Variants in PHACTR1 observed in about 807,000 individuals in gnomAD.
PHACTR1 encodes phosphatase and actin regulator 1.
In PHACTR1, 16 loss-of-function variants were observed where a neutral mutation model predicts 69.2. That is an observed-to-expected ratio of 0.23 (90% CI 0.16 to 0.35). The LOEUF (loss-of-function observed/expected upper bound fraction) is 0.35, where lower values mean the gene tolerates loss of function less well. PHACTR1 is among the 10% of genes least tolerant of loss of function. The pLI, the probability that PHACTR1 is intolerant of heterozygous loss-of-function variation, is 1.00. For missense variants in PHACTR1, 510 were observed against 734.7 expected, an observed-to-expected ratio of 0.69 and a Z score of 3.54; for synonymous variants, 312 against 284.5, an observed-to-expected ratio of 1.10 and a Z score of -0.97.
At chr6:12,767,697 G>T (rs142940930) in intron 4 of PHACTR1, among the ~76,000 whole-genome samples, 1 of 152,106 alleles carries the variant, frequency 6.6e-6, no homozygotes, top group African/African-American at 2.4e-5. Context: ...GAGACTGTTT[G>T]CCCTCTTGGT....
chr6:12,930,545 C>T (rs9296527), intron 4 of PHACTR1, among the ~76,000 whole-genome samples: 22,460 of 152,110 alleles, frequency 0.15, 3,563 homozygotes, highest in African/African-American at 0.4. Context: ...AGAAAGTCAT[C>T]GCATCTTATC....
intron 5 of PHACTR1, among the ~76,000 whole-genome samples, chr6:13,091,782 G>A (rs993135143): frequency 1.3e-5 from 2 of 151,912 alleles, no homozygotes; most frequent in Non-Finnish European, 2.9e-5. Context: ...CCTTGCATGC[G>A]CAGTTCACAA....
At chr6:13,040,821 G>C (rs1804024153) in intron 4 of PHACTR1, among the ~76,000 whole-genome samples, 1 of 152,144 alleles carries the variant, frequency 6.6e-6, no homozygotes, top group Non-Finnish European at 1.5e-5. Context: ...CAATCAGAGA[G>C]CTAGATATTG....
chr6:13,004,678 T>G (rs757525111), intron 4 of PHACTR1, among the ~76,000 whole-genome samples: 13 of 152,176 alleles, frequency 8.5e-5, no homozygotes, highest in Non-Finnish European at 1.6e-4. Context: ...CCCACATGCA[T>G]TAGATATTTG....
chr6:13,188,737 CCTGT>C (rs1763125577), intron 7 of PHACTR1, among the ~76,000 whole-genome samples: 1 of 152,306 alleles, frequency 6.6e-6, no homozygotes, highest in African/African-American at 2.4e-5. Context: ...TCTCATTCTC[CCTGT>C]CTGTCTTGCT....
intron 5 of PHACTR1, among the ~76,000 whole-genome samples, chr6:13,133,854 G>A (rs1484916606): frequency 6.6e-6 from 1 of 151,422 alleles, no homozygotes; most frequent in East Asian, 2.0e-4. Flanking sequence ...AGTGAGGAGC[G>A]CCTCTTCCCG....
At chr6:13,087,162 T>G (rs939412344) in intron 5 of PHACTR1, among the ~76,000 whole-genome samples, 4 of 147,450 alleles carry the variant, frequency 2.7e-5, no homozygotes, top group Non-Finnish European at 6.0e-5. Context: ...TTTTTATATA[T>G]AACATATGTA....
chr6:13,155,555 A>G (rs1352622399), intron 5 of PHACTR1, among the ~76,000 whole-genome samples: 2 of 152,176 alleles, frequency 1.3e-5, no homozygotes, highest in African/African-American at 2.4e-5. Context: ...AAACCAGAAG[A>G]GAGGTGTCAT....
intron 4 of PHACTR1, among the ~76,000 whole-genome samples, chr6:12,818,765 G>A (rs906488442): frequency 2.0e-5 from 3 of 152,112 alleles, no homozygotes; most frequent in Admixed American, 6.5e-5. Context: ...CTGATTCTTG[G>A]CCTCTCACCC....
intron 4 of PHACTR1, among the ~76,000 whole-genome samples, chr6:12,765,538 A>T (rs1320500543): frequency 2.0e-5 from 3 of 152,116 alleles, no homozygotes; most frequent in Non-Finnish European, 4.4e-5. Context: ...TTATCTAGTA[A>T]TATCTACAAA....
At chr6:13,066,230 G>T (rs1374800277) in intron 5 of PHACTR1, among the ~76,000 whole-genome samples, 1 of 152,182 alleles carries the variant, frequency 6.6e-6, no homozygotes, top group East Asian at 1.9e-4. Context: ...TAATAGCATT[G>T]ACTCTGCTGA....
chr6:13,227,400 T>A (rs1329409842), intron 8 of PHACTR1, among the ~76,000 whole-genome samples: 1 of 152,212 alleles, frequency 6.6e-6, no homozygotes, highest in Non-Finnish European at 1.5e-5. Context: ...CCTTTACCCT[T>A]GCTTTTAATT....
rs116165918 is a variant in PHACTR1 at position 12,963,476 on chromosome 6, T to C, written c.251-89889T>C. ...CTTTAAAAAAAAAAAACAAACCAAC[T>C]GACGATGGTGAAAAAAATATATTAG... On this transcript the variant is annotated intron_variant, in intron 4 of 14. Coordinates refer to ENST00000332995, the MANE Select transcript of PHACTR1 (RefSeq NM_030948.6). 9.2e-3 allele frequency among the ~76,000 whole-genome samples: 1,392 copies of C among 150,696 alleles called. 22 individuals are homozygous for C. Among genetic ancestry groups the C allele is most frequent in the African/African-American group, 0.032 (1,306 of 41,170 alleles).
intron 4 of PHACTR1, among the ~76,000 whole-genome samples, chr6:13,049,247 CA>C (rs1213081098): frequency 6.9e-6 from 1 of 144,462 alleles, no homozygotes; most frequent in African/African-American, 2.9e-5. Context: ...GTTCTCATGG[CA>C]CTTTTTTTTT....
At chr6:12,811,659 A>G (rs1268408056) in intron 4 of PHACTR1, among the ~76,000 whole-genome samples, 1 of 152,244 alleles carries the variant, frequency 6.6e-6, no homozygotes, top group East Asian at 1.9e-4. Context: ...TAGCCCAAAT[A>G]CATCCCACAC....
At chr6:12,839,102 A>G (rs1173178303) in intron 4 of PHACTR1, among the ~76,000 whole-genome samples, 1 of 152,204 alleles carries the variant, frequency 6.6e-6, no homozygotes. Flanking sequence ...CTTAGAGAGA[A>G]TTAGGTCACA....
intron 3 of PHACTR1, among the ~76,000 whole-genome samples, chr6:12,743,990 G>A (rs1581544534): frequency 6.6e-6 from 1 of 152,252 alleles, no homozygotes; most frequent in East Asian, 1.9e-4. Flanking sequence ...CTAGAACTCA[G>A]GATTAAGAAA....
At chr6:12,869,404 G>A (rs569269471) in intron 4 of PHACTR1, among the ~76,000 whole-genome samples, 1 of 151,928 alleles carries the variant, frequency 6.6e-6, no homozygotes, top group Admixed American at 6.6e-5. Flanking sequence ...TCCAGTCCTA[G>A]CCTCAACCAC....
At chr6:13,054,297 G>A (rs1470092033) in intron 5 of PHACTR1, among the ~76,000 whole-genome samples, 1 of 152,172 alleles carries the variant, frequency 6.6e-6, no homozygotes, top group Non-Finnish European at 1.5e-5. Flanking sequence ...AATAAGTAAG[G>A]GTGTGCAGAG....
Sources: gnomAD v4.1 joint callset for allele counts (sites outside exome capture counted in the v4.1 genomes callset) on GRCh38, gnomAD v4.1.1 for gene constraint, MANE v1.5 for transcripts, NCBI Gene and HGNC (gene_info 2026-07-23, HGNC 2026-07-21) for gene names.